AGAP3: variants seen among roughly 807,000 people sequenced by gnomAD.
AGAP3 encodes arf-GAP with GTPase, ANK repeat and PH domain-containing protein 3.
In AGAP3, 24 loss-of-function variants were observed where a neutral mutation model predicts 96.9. That is an observed-to-expected ratio of 0.25 (90% CI 0.18 to 0.35). The LOEUF is 0.35. Among genes scored for constraint, AGAP3 ranks in the 10% least tolerant of loss-of-function variants. AGAP3 has a pLI of 1.00. For missense variants in AGAP3, 876 were observed against 1,254.2 expected (o/e 0.70, Z 4.55); for synonymous variants, 563 against 536.1 (o/e 1.05, Z -0.69).
intron 11 of AGAP3, among the ~76,000 whole-genome samples, chr7:151,137,321 G>T (rs377519792): frequency 1.3e-5 from 2 of 152,372 alleles, no homozygotes; most frequent in South Asian, 2.1e-4. Context: ...CCGCTTCAAG[G>T]TTGAAGCACC....
intron 8 of AGAP3, chr7:151,123,508 C>T: frequency 8.0e-7 from 1 of 1,245,544 alleles, no homozygotes; most frequent in Non-Finnish European, 1.0e-6. Flanking sequence ...TTCTCTTACG[C>T]CCCCGCCCCG....
intron 1 of AGAP3, among the ~76,000 whole-genome samples, chr7:151,093,757 T>C (rs1798489418): frequency 6.6e-6 from 1 of 152,232 alleles, no homozygotes; most frequent in African/African-American, 2.4e-5. Flanking sequence ...TGGCAGCTCC[T>C]AGGCTGGGAG....
intron 1 of AGAP3, among the ~76,000 whole-genome samples, chr7:151,088,139 C>T (rs1162033973): frequency 2.0e-5 from 3 of 152,238 alleles, no homozygotes; most frequent in Non-Finnish European, 2.9e-5. Context: ...GGGCCCCACT[C>T]CCAGCTTCAT....
intron 11 of AGAP3, among the ~76,000 whole-genome samples, chr7:151,137,331 C>G (rs1563522061): frequency 6.6e-6 from 1 of 152,252 alleles, no homozygotes; most frequent in Non-Finnish European, 1.5e-5. Context: ...GTTGAAGCAC[C>G]TCAGGTTCGG....
intron 8 of AGAP3, chr7:151,123,018 A>G (rs1166380013): frequency 1.4e-6 from 2 of 1,382,176 alleles, no homozygotes; most frequent in Admixed American, 3.3e-5. Flanking sequence ...GGCTCGCTGC[A>G]TGGAGAAGAA....
chr7:151,095,225 T>C (rs769713699), intron 1 of AGAP3, among the ~76,000 whole-genome samples: 14 of 152,230 alleles, frequency 9.2e-5, no homozygotes, highest in Non-Finnish European at 1.3e-4. Context: ...TTGCTGCAAG[T>C]CAGGCACTGT....
rs1244711820 is a variant in AGAP3 at position 151,142,615 on chromosome 7, C to T, written c.2254C>T (p.Pro752Ser). ...GGGGGCCTTGGGTGGCTACTCCAAG[C>T]CAGGGCCTGATGCCTGCAGGTGAGC... ...WEGALGGYSK[P>S]GPDACREEKE... Residue 752 changes from proline (P) to serine (S), a missense_variant, in exon 16 of 18, where the codon CCA becomes TCA. This residue lies in a region of AGAP3 where 213 missense variants were observed against 253.8 expected (regional missense o/e 0.84). Transcript: ENST00000397238. This position sits in a 1 kb window ranked among gnomAD's most constrained non-coding sequence, Gnocchi z 7.5. The T allele has an allele frequency of 1.9e-6, 3 of 1,612,750 alleles. No homozygotes were observed.
chr7:151,100,589 T>C lies in AGAP3; in HGVS notation c.331+13517T>C, dbSNP rs1472680792. On this transcript the variant is annotated intron_variant, in intron 1 of 17. Transcript: ENST00000397238. ...GTTCACACCTGTAGTCCCAGCACTT[T>C]GGGAGGCCAAGGCAGGAGGATCGCT... is the stretch of plus-strand genomic sequence containing the variant. 2.0e-5 allele frequency among the ~76,000 whole-genome samples: 3 copies of C among 152,160 alleles called. No individual in the cohort carries two copies. The East Asian group carries it at 5.8e-4, about 29-fold the overall frequency.
In AGAP3 at chr7:151,114,437, C is replaced by T. The variant is rs544000158; in HGVS notation, c.332-2356C>T. ...TGGCCTGCTCGTAATGACAGCTCCT[C>T]ACCTACCTGCCGGATCCTAGGAGGC... On this transcript the variant is annotated intron_variant, in intron 1 of 17. Coordinates refer to ENST00000397238, the MANE Select transcript of AGAP3 (RefSeq NM_031946.7). This position sits in a 1 kb window ranked among gnomAD's most constrained non-coding sequence, Gnocchi z 4.4. Among the ~76,000 whole-genome samples, 31 of 152,348 alleles carry T rather than the reference C, an allele frequency of 2.0e-4. No homozygotes were observed. The South Asian group carries it at 5.6e-3, about 27-fold the overall frequency.
intron 9 of AGAP3, 80 bp downstream of exon 9, chr7:151,123,966 G>C: frequency 7.0e-6 from 10 of 1,423,756 alleles, no homozygotes; most frequent in Admixed American, 3.7e-5. Flanking sequence ...CTCTTCTCAG[G>C]CCTCTGTGAT....
At chr7:151,117,593 C>T in intron 4 of AGAP3, 43 bp from the exon 5 acceptor site, 1 of 1,611,816 alleles carries the variant, frequency 6.2e-7, no homozygotes, top group Non-Finnish European at 8.5e-7. Context: ...TGGGAGTTTG[C>T]CAGGTCCAGT....
intron 1 of AGAP3, among the ~76,000 whole-genome samples, chr7:151,094,853 CCCTCCCTT>C (rs1364983868): frequency 3.9e-4 from 58 of 150,054 alleles, no homozygotes; most frequent in African/African-American, 1.1e-3. Context: ...TTCCCTCTGT[CCCTCCCTT>C]CCTCCCTTCC....
At chr7:151,136,613 A>G (rs1328701560) in intron 11 of AGAP3, 1 of 152,244 alleles carries the variant, frequency 6.6e-6, no homozygotes, top group Admixed American at 6.5e-5. Flanking sequence ...ATCAAATTCG[A>G]CAATTACAGT....
chr7:151,143,811 G>A lies in AGAP3; in HGVS notation c.2604G>A (p.Gln868=), dbSNP rs1436369411. 1 of 1,613,990 alleles carries A rather than the reference G, an allele frequency of 6.2e-7. No homozygotes were observed. The part of the protein sequence containing the change: ...PLAYARRAGS[Q]ECADILIQHG... ...CATATGCTCGCCGGGCCGGCAGCCAGGAGTGTGCAGACATCTTGATCCAGC... is the reference window on the plus strand; with the variant it reads ...CATATGCTCGCCGGGCCGGCAGCCAAGAGTGTGCAGACATCTTGATCCAGC... The change falls in exon 18 of 18, where the codon CAG becomes CAA. Residue 868 remains glutamine (Q), a synonymous_variant. Coordinates refer to ENST00000397238, the MANE Select transcript of AGAP3 (RefSeq NM_031946.7). The surrounding 1 kb of genome is among the most constrained non-coding windows in gnomAD (Gnocchi z 5.9).
chr7:151,104,861 G>C (rs1376300613), intron 1 of AGAP3, among the ~76,000 whole-genome samples: 1 of 152,182 alleles, frequency 6.6e-6, no homozygotes, highest in Non-Finnish European at 1.5e-5. Context: ...GGGAAGGGTT[G>C]AAGAACGGAC....
intron 9 of AGAP3, among the ~76,000 whole-genome samples, chr7:151,125,875 G>A (rs1308952630): frequency 6.6e-6 from 1 of 152,240 alleles, no homozygotes; most frequent in African/African-American, 2.4e-5. Flanking sequence ...GTCCTCTGGG[G>A]GCTGTCGCCT....
At chr7:151,117,894 T>A in intron 5 of AGAP3, 117 bp downstream of exon 5, 2 of 1,357,964 alleles carry the variant, frequency 1.5e-6, no homozygotes, top group Non-Finnish European at 2.0e-6. Flanking sequence ...TTCCCAGTGC[T>A]GACTGGGACC....
intron 1 of AGAP3, among the ~76,000 whole-genome samples, chr7:151,107,240 G>A (rs1799093893): frequency 6.6e-6 from 1 of 151,930 alleles, no homozygotes; most frequent in Admixed American, 6.6e-5. Context: ...AACCCGGGAG[G>A]CGGAGGTTGT....
At chr7:151,131,312 A>G (rs942748668) in intron 10 of AGAP3, 2 of 152,274 alleles carry the variant, frequency 1.3e-5, no homozygotes, top group Non-Finnish European at 2.9e-5. Context: ...GTAGAAACTA[A>G]TTGAATGTGG....
Sources: gnomAD v4.1 joint callset for allele counts (sites outside exome capture counted in the v4.1 genomes callset) on GRCh38, gnomAD v4.1.1 for gene constraint, gnomAD v4.1.1 regional missense constraint, Gnocchi (gnomAD v3.1) non-coding constraint, MANE v1.5 for transcripts, NCBI Gene and HGNC (gene_info 2026-07-23, HGNC 2026-07-21) for gene names.